Variants in MYO5B observed in about 807,000 individuals in gnomAD.
The protein encoded by MYO5B is unconventional myosin-Vb.
Under a neutral mutation model 229.3 loss-of-function variants are expected in MYO5B, and 143 were observed. The ratio of observed to expected loss-of-function variants is 0.62; its 90% CI spans 0.54 to 0.72. The LOEUF (loss-of-function observed/expected upper bound fraction) is 0.72. Among genes scored for constraint, MYO5B ranks in the 30% least tolerant of loss-of-function variants. MYO5B has a pLI of 0.00. For synonymous variants in MYO5B, 918 were observed against 885.2 expected, an observed-to-expected ratio of 1.04 and a Z score of -0.66; for missense variants, 2,321 against 2,331.0, an observed-to-expected ratio of 1.00 and a Z score of 0.09.
Position 50,194,854 on chromosome 18 carries a change from G to C in MYO5B, c.-61C>G. ...GGCTGCCCCGCGGCTCTCAGTCCGC[G>C]GCTGGCCCGCCTGGCGCCATGTTCC... On this transcript the variant is annotated 5_prime_UTR_variant, in exon 1 of 40. Transcript: ENST00000285039. 8.0e-7 allele frequency: 1 copy of C among 1,253,136 alleles called. No homozygotes were observed. Among genetic ancestry groups the C allele is most frequent in the Non-Finnish European group, 1.0e-6 (1 of 1,003,564 alleles). 77.6% of individuals were successfully genotyped at this position (1,253,136 alleles called of 1,614,324 possible). A position where few individuals can be genotyped will look rare whatever the true frequency, so the allele number is the denominator to read the frequency against.
chr18:50,185,742 A>G (rs2033139077), intron 1 of MYO5B, among the ~76,000 whole-genome samples: 9 of 152,276 alleles, frequency 5.9e-5, no homozygotes, highest in Non-Finnish European at 7.3e-5. Flanking sequence ...TAAACACATT[A>G]CAGTATATGG....
At chr18:49,875,867 A>C (rs1392131432) in intron 25 of MYO5B, 40 bp from the exon 26 acceptor site, 1 of 1,612,302 alleles carries the variant, frequency 6.2e-7, no homozygotes, top group African/African-American at 1.3e-5. Flanking sequence ...GTTTTCCTAA[A>C]TACATGCCTT....
intron 4 of MYO5B, among the ~76,000 whole-genome samples, chr18:50,011,203 G>A (rs1014429625): frequency 3.3e-5 from 5 of 152,126 alleles, no homozygotes; most frequent in Admixed American, 2.0e-4. Context: ...TTAGCCGGGC[G>A]TGGTGGCGGG....
intron 1 of MYO5B, among the ~76,000 whole-genome samples, chr18:50,079,562 A>G (rs1442175883): frequency 1.3e-5 from 2 of 152,234 alleles, no homozygotes; most frequent in African/African-American, 4.8e-5. Flanking sequence ...TACAGAAATC[A>G]CATTCCCTTT....
chr18:49,900,955 C>A (rs1184714920), intron 21 of MYO5B, among the ~76,000 whole-genome samples: 1 of 152,188 alleles, frequency 6.6e-6, no homozygotes, highest in African/African-American at 2.4e-5. Context: ...CGGGTAGGAT[C>A]CTGGTCCCAG....
At chr18:49,919,249 C>G (rs886206829) in intron 17 of MYO5B, among the ~76,000 whole-genome samples, 4 of 151,766 alleles carry the variant, frequency 2.6e-5, no homozygotes, top group Non-Finnish European at 5.9e-5. Context: ...GTTAGTTAGT[C>G]TTTGTGACCT....
intron 1 of MYO5B, among the ~76,000 whole-genome samples, chr18:50,127,394 G>A (rs2032182006): frequency 6.6e-6 from 1 of 152,160 alleles, no homozygotes; most frequent in African/African-American, 2.4e-5. Flanking sequence ...TGGGCTAAGA[G>A]AACAAGCTTT....
At chr18:50,083,180 G>T (rs778837115) in intron 1 of MYO5B, among the ~76,000 whole-genome samples, 1 of 152,166 alleles carries the variant, frequency 6.6e-6, no homozygotes, top group Non-Finnish European at 1.5e-5. Context: ...GCAAGGTATG[G>T]GGGAAGGCAC....
At chr18:50,122,418 A>G (rs1439277194) in intron 1 of MYO5B, among the ~76,000 whole-genome samples, 1 of 129,962 alleles carries the variant, frequency 7.7e-6, no homozygotes, top group Admixed American at 8.8e-5. Flanking sequence ...CCTGGCCAAC[A>G]TGGTGAAACC....
Position 50,001,174 on chromosome 18 carries a change from ACCCAGGCTTGACG to A in MYO5B, c.612+68_612+80del, listed in dbSNP as rs914895945. On this transcript the variant is annotated intron_variant, in intron 5 of 39. Transcript: ENST00000285039. Reference sequence around the variant, plus strand: ...CTCAGGGAGAGGCGTGAAGGCTGCCACCCAGGCTTGACGCCCAGCAGTCTTGCTGCCAGTGGGA... The same window carrying A: ...CTCAGGGAGAGGCGTGAAGGCTGCCACCCAGCAGTCTTGCTGCCAGTGGGA... 3.2e-6 allele frequency: 5 copies of A among 1,580,078 alleles called. No individual in the cohort carries two copies. In the African/African-American group the frequency reaches 5.4e-5, roughly 17 times the overall value.
chr18:49,997,959 G>GA (rs2026007926), intron 5 of MYO5B, among the ~76,000 whole-genome samples: 1 of 152,310 alleles, frequency 6.6e-6, no homozygotes, highest in African/African-American at 2.4e-5. Flanking sequence ...CCCTGATTAA[G>GA]ACATGCTCTG....
At chr18:50,064,565 C>T (rs1311649810) in intron 1 of MYO5B, 1 of 152,118 alleles carries the variant, frequency 6.6e-6, no homozygotes, top group African/African-American at 2.4e-5. Flanking sequence ...GAGCATACCA[C>T]CTTCATTTTC....
chr18:50,103,329 T>TA (rs2031690741), intron 1 of MYO5B, among the ~76,000 whole-genome samples: 1 of 151,450 alleles, frequency 6.6e-6, no homozygotes, highest in Non-Finnish European at 1.5e-5. Flanking sequence ...CTGGGAAGGG[T>TA]AAAAGACACT....
chr18:50,010,901 T>G (rs1598950892), intron 4 of MYO5B, among the ~76,000 whole-genome samples: 1 of 152,350 alleles, frequency 6.6e-6, no homozygotes, highest in African/African-American at 2.4e-5. Flanking sequence ...CAGCTGGCAT[T>G]TCAGCCAGGT....
intron 39 of MYO5B, among the ~76,000 whole-genome samples, chr18:49,834,860 G>A (rs1013319412): frequency 6.6e-6 from 1 of 152,238 alleles, no homozygotes; most frequent in East Asian, 1.9e-4. Flanking sequence ...GGATGGTCTT[G>A]ATCTCCTGAC....
chr18:49,932,780 G>A (rs1249742607), intron 16 of MYO5B, among the ~76,000 whole-genome samples: 1 of 152,156 alleles, frequency 6.6e-6, no homozygotes, highest in Admixed American at 6.5e-5. Flanking sequence ...ATCCCAAGGG[G>A]ATATGGGAGG....
chr18:50,084,567 A>G (rs1224077639), intron 1 of MYO5B, among the ~76,000 whole-genome samples: 4 of 152,192 alleles, frequency 2.6e-5, no homozygotes, highest in East Asian at 1.9e-4. Flanking sequence ...TGGTAGTGAC[A>G]ACAATTTGTT....
At position 49,902,469 on chromosome 18, in the gene MYO5B, T is replaced by C; in HGVS notation, c.2811+125A>G. 3 of 1,316,160 alleles carry C rather than the reference T, an allele frequency of 2.3e-6. No individual in the cohort carries two copies. In the South Asian group the frequency reaches 3.6e-5, roughly 16 times the overall value. 81.5% of individuals were successfully genotyped at this position (1,316,160 alleles called of 1,614,324 possible). ...CTGCCACAGTTAGTATCTGCTGTGG[T>C]CTGAGGACGTCTGTGCTCCCTCGGG... On this transcript the variant is annotated intron_variant, in intron 21 of 39. Coordinates refer to ENST00000285039, the MANE Select transcript of MYO5B (RefSeq NM_001080467.3).
intron 5 of MYO5B, among the ~76,000 whole-genome samples, chr18:49,999,074 C>T (rs2026019158): frequency 6.6e-6 from 1 of 152,236 alleles, no homozygotes; most frequent in Non-Finnish European, 1.5e-5. Context: ...ATGTGGTGAT[C>T]TGCCTTCACT....
Sources: allele counts gnomAD v4.1 joint callset (sites outside exome capture counted in the v4.1 genomes callset), GRCh38; gene constraint gnomAD v4.1.1; transcripts MANE v1.5; gene names NCBI Gene and HGNC (gene_info 2026-07-23, HGNC 2026-07-21).